TRABD2B: variants seen among roughly 807,000 people sequenced by gnomAD.
TRABD2B encodes the protein metalloprotease TIKI2.
In TRABD2B, 14 loss-of-function variants were observed where a neutral mutation model predicts 40.1. The observed-to-expected ratio is 0.35, with a 90% CI of 0.23 to 0.55. TRABD2B has a LOEUF of 0.55. TRABD2B is among the 20% of genes least tolerant of loss of function. The pLI is 0.90. For synonymous variants in TRABD2B, 263 were observed against 277.0 expected (o/e 0.95, Z 0.50); for missense variants, 541 against 648.6 (o/e 0.83, Z 1.80).
At position 47,794,700 on chromosome 1, in the gene TRABD2B, CA is replaced by C; in HGVS notation, c.873del (p.Ile291MetfsTer90). 6.5e-7 allele frequency: 1 copy of C among 1,535,392 alleles called. No homozygotes were observed. Among genetic ancestry groups the C allele is most frequent in the Non-Finnish European group, 8.7e-7 (1 of 1,146,216 alleles). ...ATGAGCTCCTGGCGGAAGTAGCTGTCAATCTCCTGGGCCGTCACCTGCTCGT... is the reference window on the plus strand; with the variant it reads ...ATGAGCTCCTGGCGGAAGTAGCTGTCATCTCCTGGGCCGTCACCTGCTCGT... Reference protein sequence around the residue: ...PPHEQVTAQEIDSYFRQELIY... With the variant: ...PPHEQVTAQEXDSYFRQELIY... On this transcript the variant is annotated frameshift_variant, in exon 4 of 7. Coordinates refer to ENST00000606738, the MANE Select transcript of TRABD2B (RefSeq NM_001194986.2). LOFTEE classifies it high-confidence loss of function.
chr1:47,952,638 C>G (rs1403208130), intron 2 of TRABD2B, among the ~76,000 whole-genome samples: 1 of 152,208 alleles, frequency 6.6e-6, no homozygotes, highest in African/African-American at 2.4e-5. Flanking sequence ...GTCACCCACT[C>G]CTGGACTCAC....
At chr1:47,953,225 A>G (rs1189719132) in intron 2 of TRABD2B, among the ~76,000 whole-genome samples, 3 of 152,230 alleles carry the variant, frequency 2.0e-5, no homozygotes, top group Non-Finnish European at 4.4e-5. Context: ...GATGATGCAC[A>G]GAGGGGTGTG....
At chr1:47,951,214 G>A (rs1169983877) in intron 2 of TRABD2B, among the ~76,000 whole-genome samples, 2 of 152,282 alleles carry the variant, frequency 1.3e-5, no homozygotes, top group East Asian at 3.9e-4. Context: ...GGGCAGGCAG[G>A]GGCGAGTCAT....
intron 2 of TRABD2B, among the ~76,000 whole-genome samples, chr1:47,835,477 C>T (rs1453611842): frequency 3.3e-5 from 5 of 152,190 alleles, no homozygotes; most frequent in Non-Finnish European, 5.9e-5. Flanking sequence ...CACACCCAGA[C>T]ATATCATAAT....
chr1:47,966,760 C>G (rs1403411243), intron 2 of TRABD2B, among the ~76,000 whole-genome samples: 1 of 151,834 alleles, frequency 6.6e-6, no homozygotes, highest in South Asian at 2.1e-4. Flanking sequence ...TAAAAATTAG[C>G]CAGGTGTGGT....
intron 2 of TRABD2B, among the ~76,000 whole-genome samples, chr1:47,892,541 A>G (rs965209725): frequency 6.6e-6 from 1 of 152,204 alleles, no homozygotes; most frequent in Non-Finnish European, 1.5e-5. Context: ...GTAAGAATGG[A>G]TAAGTACAGA....
chr1:47,839,303 C>A (rs1355035119), intron 2 of TRABD2B, among the ~76,000 whole-genome samples: 1 of 152,112 alleles, frequency 6.6e-6, no homozygotes, highest in East Asian at 1.9e-4. Context: ...ATGGGATGGC[C>A]TTTAGCTCTG....
Position 47,765,838 on chromosome 1 carries a change from C to G in TRABD2B, c.*64G>C. ...CACCCCCTGGAGGTGGTGGCAGGAG[C>G]AGTTGGGTGTGGCCGAAGACCCCTG... On this transcript the variant is annotated 3_prime_UTR_variant, in exon 7 of 7. Coordinates refer to ENST00000606738, the MANE Select transcript of TRABD2B (RefSeq NM_001194986.2). 2.8e-6 allele frequency: 2 copies of G among 702,808 alleles called. No individual in the cohort carries two copies. Among genetic ancestry groups the G allele is most frequent in the Non-Finnish European group, 5.2e-6 (2 of 384,918 alleles). 43.5% of individuals were successfully genotyped at this position (702,808 alleles called of 1,614,324 possible).
chr1:47,944,121 A>C (rs1645226869), intron 2 of TRABD2B, among the ~76,000 whole-genome samples: 1 of 152,196 alleles, frequency 6.6e-6, no homozygotes, highest in South Asian at 2.1e-4. Context: ...TGGGGAATAA[A>C]GGATGATGCT....
At chr1:47,775,854 T>A (rs1221381095) in intron 5 of TRABD2B, among the ~76,000 whole-genome samples, 1 of 152,142 alleles carries the variant, frequency 6.6e-6, no homozygotes, top group Non-Finnish European at 1.5e-5. Flanking sequence ...AGGGTGCTAC[T>A]CAGGGAAGGT....
chr1:47,987,960 G>A (rs1333338026), intron 2 of TRABD2B, among the ~76,000 whole-genome samples: 1 of 152,186 alleles, frequency 6.6e-6, no homozygotes, highest in Non-Finnish European at 1.5e-5. Flanking sequence ...TCCCTCCATG[G>A]TTGACTTCCT....
At chr1:47,806,082 A>G (rs1479513802) in intron 2 of TRABD2B, among the ~76,000 whole-genome samples, 6 of 152,240 alleles carry the variant, frequency 3.9e-5, no homozygotes, top group Non-Finnish European at 7.3e-5. Context: ...GTTTGAAATT[A>G]CGTCTGGCAC....
chr1:47,940,615 G>A (rs1346593535), intron 2 of TRABD2B, among the ~76,000 whole-genome samples: 1 of 152,144 alleles, frequency 6.6e-6, no homozygotes, highest in Non-Finnish European at 1.5e-5. Context: ...AAGATCAGTG[G>A]CTGCAGGGCC....
intron 2 of TRABD2B, among the ~76,000 whole-genome samples, chr1:47,924,004 T>C (rs1372882455): frequency 6.7e-6 from 1 of 150,098 alleles, no homozygotes; most frequent in Non-Finnish European, 1.5e-5. Context: ...AGAACCCGAC[T>C]TATGAAAGTG....
chr1:47,845,857 C>T (rs907272305), intron 2 of TRABD2B, among the ~76,000 whole-genome samples: 6 of 152,158 alleles, frequency 3.9e-5, no homozygotes, highest in South Asian at 2.1e-4. Flanking sequence ...GAAATGAACA[C>T]GTTTTATTCT....
intron 2 of TRABD2B, among the ~76,000 whole-genome samples, chr1:47,976,259 T>A (rs141788652): frequency 5.6e-4 from 85 of 152,294 alleles, no homozygotes; most frequent in African/African-American, 2.0e-3. Context: ...GAAGCCAACC[T>A]TCTACCCCTT....
intron 2 of TRABD2B, among the ~76,000 whole-genome samples, chr1:47,896,658 AC>A (rs1486555007): frequency 6.6e-6 from 1 of 152,182 alleles, no homozygotes; most frequent in Admixed American, 6.5e-5. Context: ...TGATCTGCCC[AC>A]GAGCTGAGCT....
chr1:47,909,069 C>T (rs188126292), intron 2 of TRABD2B, among the ~76,000 whole-genome samples: 2 of 152,262 alleles, frequency 1.3e-5, no homozygotes, highest in Non-Finnish European at 2.9e-5. Flanking sequence ...GTGGCCTGTG[C>T]GGTTGGTCAC....
intron 2 of TRABD2B, among the ~76,000 whole-genome samples, chr1:47,952,419 T>C (rs1645358525): frequency 6.6e-6 from 1 of 152,154 alleles, no homozygotes; most frequent in South Asian, 2.1e-4. Context: ...TGGTGGCCTT[T>C]AGATAAGGTG....
Sources: allele counts gnomAD v4.1 joint callset (sites outside exome capture counted in the v4.1 genomes callset), GRCh38; gene constraint gnomAD v4.1.1; transcripts MANE v1.5; gene names NCBI Gene and HGNC (gene_info 2026-07-23, HGNC 2026-07-21).